Variants in NUTM2F observed in about 807,000 individuals in gnomAD.
NUTM2F encodes NUT family member 2F, also known as family with sequence similarity 22, member F.
Under a neutral mutation model 43.3 loss-of-function variants are expected in NUTM2F, and 22 were observed. That is an observed-to-expected ratio of 0.51 (90% CI 0.36 to 0.73). The LOEUF is 0.73. Ranked by LOEUF, NUTM2F falls within the 30% of genes least tolerant of loss-of-function variation. NUTM2F has a pLI of 0.00. For missense variants in NUTM2F, 488 were observed against 927.4 expected (o/e 0.53, Z 6.15); for synonymous variants, 202 against 389.0 (o/e 0.52, Z 5.66).
rs1160192915 is a variant in NUTM2F, at chr9:94,320,676, A to T, written c.983-83T>A. 7.0e-7 allele frequency: 1 copy of T among 1,438,780 alleles called. No individual in the cohort carries two copies. The highest frequency in any genetic ancestry group is 1.4e-5 in the African/African-American group (1 of 71,004). The allele number at this position is 1,438,780 out of a possible 1,614,324, so 89.1% of individuals were successfully genotyped here. On this transcript the variant is annotated intron_variant, in intron 4 of 6. Transcript: ENST00000253262. The surrounding 1 kb of genome is among the most constrained non-coding windows in gnomAD (Gnocchi z 4.5). The stretch of plus-strand genomic sequence containing the variant: ...ACACAGGGGAGGGCAGGGCTTGGGG[A>T]TGTGAAGTGGGTCCCAGCTGGGTCA...
Position 94,318,639 on chromosome 9 carries a change from TCG to T in NUTM2F, c.2095_2096del (p.Arg699ThrfsTer10), listed in dbSNP as rs1387609981. ...CAGGGGATGGGCTTCCAAAGAGAGGTCGCTTCTTGGACTTGCTGGCAGGAGAA... is the reference window on the plus strand; with the variant it reads ...CAGGGGATGGGCTTCCAAAGAGAGGTCTTCTTGGACTTGCTGGCAGGAGAA... ...SPSPASKSKK[R>X]PLFGSPSPAE... On this transcript the variant is annotated frameshift_variant, in exon 7 of 7. Transcript: ENST00000253262. LOFTEE classifies it low-confidence loss of function (END_TRUNC). 1 of 1,480,054 alleles carries T rather than the reference TCG, an allele frequency of 6.8e-7. No individual in the cohort carries two copies. The highest frequency in any genetic ancestry group is 2.7e-5 in the East Asian group (1 of 37,162). The allele number at this position is 1,480,054 out of a possible 1,614,324, so 91.7% of individuals were successfully genotyped here. A position where few individuals can be genotyped will look rare whatever the true frequency, so the allele number is the denominator to read the frequency against.
chr9:94,320,414 C>T lies in NUTM2F; in HGVS notation c.1162G>A (p.Glu388Lys), dbSNP rs1441229274. 6.2e-7 allele frequency: 1 copy of T among 1,612,818 alleles called. No homozygotes were observed. ...TGCACCACTTCAGGGGGGATCTCCT[C>T]AGGGACCTTGGTCTCCGCTGGCCTC... ...PQRPAETKVPEEIPPEVVQEY... is the reference protein window; with the variant it reads ...PQRPAETKVPKEIPPEVVQEY... Residue 388 changes from glutamate to lysine, a missense_variant, in exon 5 of 7, where the codon GAG becomes AAG. Transcript: ENST00000253262. The surrounding 1 kb of genome is among the most constrained non-coding windows in gnomAD (Gnocchi z 4.5).
intron 5 of NUTM2F, 130 bp from the exon 6 acceptor site, chr9:94,319,859 C>T (rs755258856): frequency 6.9e-6 from 8 of 1,167,010 alleles, no homozygotes; most frequent in Admixed American, 3.4e-5. Flanking sequence ...CATATCATGG[C>T]GACCACCAGC....
chr9:94,321,935 CT>C (rs749593441), intron 3 of NUTM2F, among the ~76,000 whole-genome samples: 12 of 151,680 alleles, frequency 7.9e-5, no homozygotes, highest in Non-Finnish European at 1.8e-4. Context: ...GGCTGCGATG[CT>C]GGCTGCTCCC....
chr9:94,328,484 G>A lies in NUTM2F; in HGVS notation c.16+124C>T, dbSNP rs1408671183. On this transcript the variant is annotated intron_variant, in intron 1 of 6. Transcript: ENST00000253262. ...CATCCCCAGGTGTGATGTCCCTGGG[G>A]ACATCCAGTGCTCCCTCCCTCAACA... 28 of 1,519,540 alleles carry A rather than the reference G, an allele frequency of 1.8e-5. No individual in the cohort carries two copies. The Middle Eastern group carries it at 5.3e-4, about 29-fold the overall frequency. 94.1% of individuals were successfully genotyped at this position (1,519,540 alleles called of 1,614,324 possible).
At chr9:94,324,851 G>A (rs1195288810) in intron 2 of NUTM2F, among the ~76,000 whole-genome samples, 1 of 150,574 alleles carries the variant, frequency 6.6e-6, no homozygotes, top group African/African-American at 2.5e-5. Context: ...GCCAGGCATG[G>A]TGGCACATGC....
rs747937671 is a variant in NUTM2F at position 94,319,603 on chromosome 9, G to A, written c.1485+10C>T. 46 of 1,612,302 alleles carry A rather than the reference G, an allele frequency of 2.9e-5. No homozygotes were observed. The highest frequency in any genetic ancestry group is 2.1e-4 in the Middle Eastern group (1 of 4,808). ...GGAGTACCTGGGTTCCCCTCCCTCC[G>A]CTGCTCTACCTGGGCAAGGGTGAGT... is the stretch of plus-strand genomic sequence containing the variant. On this transcript the variant is annotated intron_variant, in intron 6 of 6. Coordinates refer to ENST00000253262, the MANE Select transcript of NUTM2F (RefSeq NM_017561.2).
intron 1 of NUTM2F, among the ~76,000 whole-genome samples, chr9:94,326,389 T>A (rs1004295845): frequency 8.6e-5 from 13 of 151,722 alleles, no homozygotes; most frequent in African/African-American, 2.9e-4. Context: ...CCCCATCTCC[T>A]CTTCAGTCTT....
Position 94,325,901 on chromosome 9 carries a change from T to C in NUTM2F, c.50A>G (p.Asn17Ser), listed in dbSNP as rs1587704393. Residue 17 changes from asparagine to serine, a missense_variant, in exon 2 of 7, where the codon AAC (asparagine) becomes AGC (serine). By Grantham distance (46) the Asn-to-Ser change is conservative (BLOSUM62 1). Transcript: ENST00000253262. ...YPVLGPGVTV[N>S]PGTSLSVFTA... ...GAACACAGACAGGGAGGTGCCAGGG[T>C]TCACGGTCACGCCGGGTCCCAGCAC... 17 of 1,611,690 alleles carry C rather than the reference T, an allele frequency of 1.1e-5. No homozygotes were observed. Among genetic ancestry groups the C allele is most frequent in the Non-Finnish European group, 1.4e-5 (17 of 1,179,790 alleles).
intron 5 of NUTM2F, 21 bp from the exon 6 acceptor site, chr9:94,319,750 G>A (rs1245028427): frequency 1.3e-6 from 2 of 1,598,496 alleles, no homozygotes; most frequent in African/African-American, 1.3e-5. Context: ...AAGGAAGAAG[G>A]TGTGAACTTC....
At chr9:94,328,478 C>A (rs2118746369) in intron 1 of NUTM2F, 130 bp downstream of exon 1, 1 of 1,496,610 alleles carries the variant, frequency 6.7e-7, no homozygotes, top group Non-Finnish European at 9.3e-7. Flanking sequence ...GTGTGATGTC[C>A]CTGGGGACAT....
intron 6 of NUTM2F, 67 bp downstream of exon 6, chr9:94,319,546 T>G (rs1831328239): frequency 3.7e-6 from 6 of 1,603,240 alleles, no homozygotes; most frequent in Non-Finnish European, 5.1e-6. Context: ...GACAATCGGG[T>G]GGGCCTTGTG....
intron 3 of NUTM2F, among the ~76,000 whole-genome samples, 157 bp from the exon 4 acceptor site, chr9:94,321,389 C>T (rs1428365212): frequency 1.3e-5 from 2 of 151,642 alleles, no homozygotes; most frequent in African/African-American, 4.8e-5. Flanking sequence ...GGGAGCTGCT[C>T]CCAGAGTTCT....
At chr9:94,324,299 T>A (rs574659392) in intron 2 of NUTM2F, among the ~76,000 whole-genome samples, 43 of 150,386 alleles carry the variant, frequency 2.9e-4, no homozygotes, top group Non-Finnish European at 4.7e-4. Context: ...ACCTAAACCC[T>A]AACCGTGGCT....
At chr9:94,319,551 C>T in intron 6 of NUTM2F, 62 bp downstream of exon 6, 1 of 1,608,266 alleles carries the variant, frequency 6.2e-7, no homozygotes, top group East Asian at 2.2e-5. Flanking sequence ...TCGGGTGGGC[C>T]TTGTGTGCCG....
At chr9:94,328,349 G>A (rs1291514833) in intron 1 of NUTM2F, among the ~76,000 whole-genome samples, 2 of 152,038 alleles carry the variant, frequency 1.3e-5, no homozygotes, top group Non-Finnish European at 2.9e-5. Flanking sequence ...CCTCTAGAAA[G>A]GATCAACCCA....
At chr9:94,326,983 G>A (rs1831458655) in intron 1 of NUTM2F, among the ~76,000 whole-genome samples, 2 of 150,346 alleles carry the variant, frequency 1.3e-5, no homozygotes, top group Admixed American at 6.7e-5. Context: ...GAGAAGCAGT[G>A]GTGGAGTCCC....
In NUTM2F at chr9:94,320,939, C is replaced by T. The variant is rs148461503; in HGVS notation, c.982+154G>A. Among the ~76,000 whole-genome samples, 1 of 152,226 alleles carries T rather than the reference C, an allele frequency of 6.6e-6. No homozygotes were observed. Among genetic ancestry groups the T allele is most frequent in the Non-Finnish European group, 1.5e-5 (1 of 68,040 alleles). ...ACGGGCCACCCATGAAGTAGGTATT[C>T]ACCTGGTCAATACCCAACATACACT... On this transcript the variant is annotated intron_variant, in intron 4 of 6. Transcript: ENST00000253262. This position sits in a 1 kb window ranked among gnomAD's most constrained non-coding sequence, Gnocchi z 4.5.
Position 94,322,547 on chromosome 9 carries a change from C to T in NUTM2F, c.714-218G>A, listed in dbSNP as rs62579670. The stretch of plus-strand genomic sequence containing the variant: ...CCTCTCCGACTGCCTCTCAAGTCCT[C>T]GGTGTTATGATGTTGACAAGCGAAC... On this transcript the variant is annotated intron_variant, in intron 2 of 6. Coordinates refer to ENST00000253262, the MANE Select transcript of NUTM2F (RefSeq NM_017561.2). Among the ~76,000 whole-genome samples, 378 of 152,312 alleles carry T rather than the reference C, an allele frequency of 2.5e-3. 2 individuals are homozygous for T. Among genetic ancestry groups the T allele is most frequent in the Non-Finnish European group, 2.8e-3 (191 of 68,040 alleles).
Sources: allele counts gnomAD v4.1 joint callset (sites outside exome capture counted in the v4.1 genomes callset), GRCh38; gene constraint gnomAD v4.1.1; non-coding constraint Gnocchi (gnomAD v3.1); transcripts MANE v1.5; gene names NCBI Gene and HGNC (gene_info 2026-07-23, HGNC 2026-07-21).